PLEKHH2: variants seen among roughly 807,000 people sequenced by gnomAD.
PLEKHH2 encodes pleckstrin homology domain-containing family H member 2.
In PLEKHH2, 129 loss-of-function variants were observed where a neutral mutation model predicts 187.9. The observed-to-expected ratio is 0.69, with a 90% confidence interval of 0.59 to 0.79. The LOEUF (loss-of-function observed/expected upper bound fraction) is 0.79. Among genes scored for constraint, PLEKHH2 ranks in the 30% least tolerant of loss-of-function variants. PLEKHH2 has a pLI of 0.00. For synonymous variants in PLEKHH2, 686 were observed against 605.6 expected, an observed-to-expected ratio of 1.13 and a Z score of -1.95; for missense variants, 2,076 against 1,751.2, an observed-to-expected ratio of 1.19 and a Z score of -3.31.
intron 2 of PLEKHH2, chr2:43,676,364 T>TGGGACCGGGTCCTGG: frequency 6.7e-7 from 1 of 1,502,290 alleles, no homozygotes; most frequent in South Asian, 1.3e-5. Context: ...AAAGGCAGCC[T>TGGGACCGGGTCCTGG]GGGACCGGGT....
At position 43,710,489 on chromosome 2, in the gene PLEKHH2, A is replaced by T; in HGVS notation, c.2215A>T (p.Ser739Cys). The T allele has an allele frequency of 6.3e-7, 1 of 1,594,584 alleles. No homozygotes were observed. Among genetic ancestry groups the T allele is most frequent in the Admixed American group, 1.9e-5 (1 of 53,940 alleles). Reference protein sequence around the residue: ...GGELLYYKSPSDVIRKPQGHI... With the variant: ...GGELLYYKSPCDVIRKPQGHI... The stretch of plus-strand genomic sequence containing the variant: ...CCATTTGTTTTTCTGTTTCATACAG[A>T]GTGATGTAATTAGAAAACCCCAGGG... The change falls in exon 14 of 30, where the codon AGT becomes TGT. Residue 739 changes from serine (S) to cysteine (C), a missense_variant and splice_region_variant. Ser to Cys is a moderately radical substitution (Grantham distance 112). Coordinates refer to ENST00000282406, the MANE Select transcript of PLEKHH2 (RefSeq NM_172069.4).
At chr2:43,707,037 A>T (rs111668629) in intron 10 of PLEKHH2, among the ~76,000 whole-genome samples, 1,845 of 152,120 alleles carry the variant, frequency 0.012, 54 homozygotes, top group African/African-American at 0.042. Flanking sequence ...CTCTACTAAA[A>T]ATATAAAAAT....
At chr2:43,682,216 A>G (rs551924776) in intron 3 of PLEKHH2, among the ~76,000 whole-genome samples, 2 of 152,368 alleles carry the variant, frequency 1.3e-5, no homozygotes, top group Admixed American at 1.3e-4. Flanking sequence ...TCTTCAGTAT[A>G]TCAAAGATCT....
intron 2 of PLEKHH2, among the ~76,000 whole-genome samples, chr2:43,660,188 C>T (rs983206479): frequency 1.3e-5 from 2 of 152,176 alleles, no homozygotes; most frequent in African/African-American, 4.8e-5. Context: ...CTTTTGAGTT[C>T]ACCAGTGTTG....
intron 3 of PLEKHH2, chr2:43,680,745 T>C: frequency 4.9e-6 from 2 of 409,186 alleles, no homozygotes; most frequent in South Asian, 2.2e-5. Context: ...CAGAAGGACC[T>C]CTATATGTGG....
intron 17 of PLEKHH2, among the ~76,000 whole-genome samples, chr2:43,727,167 A>C (rs1670792136): frequency 6.6e-6 from 1 of 152,212 alleles, no homozygotes; most frequent in East Asian, 1.9e-4. Context: ...TAATCCCAGC[A>C]CTTCGGGAGG....
Position 43,699,630 on chromosome 2 carries a change from G to A in PLEKHH2, c.689-17G>A, listed in dbSNP as rs748101005. 5 of 1,606,796 alleles carry A rather than the reference G, an allele frequency of 3.1e-6. No homozygotes were observed. The highest frequency in any genetic ancestry group is 1.1e-5 in the South Asian group (1 of 90,102). ...ATTCTTAAAGGCAGCATGCTGATAT[G>A]ATGTATCCTTTTCTAGAAATGGAAA... On this transcript the variant is annotated splice_polypyrimidine_tract_variant and intron_variant, in intron 7 of 29. Coordinates refer to ENST00000282406, the MANE Select transcript of PLEKHH2 (RefSeq NM_172069.4).
At chr2:43,747,340 CACA>C (rs1275108826) in intron 24 of PLEKHH2, among the ~76,000 whole-genome samples, 1 of 152,012 alleles carries the variant, frequency 6.6e-6, no homozygotes, top group African/African-American at 2.4e-5. Flanking sequence ...TGTGAGGGCA[CACA>C]ACAGTGAGCC....
intron 18 of PLEKHH2, among the ~76,000 whole-genome samples, chr2:43,730,630 C>T (rs1670992816): frequency 6.6e-6 from 1 of 152,132 alleles, no homozygotes; most frequent in Non-Finnish European, 1.5e-5. Flanking sequence ...AACTCCTGAG[C>T]TCAAGTAATC....
chr2:43,764,172 C>T, intron 28 of PLEKHH2, 56 bp from the exon 29 acceptor site: 1 of 1,051,642 alleles, frequency 9.5e-7, no homozygotes. Flanking sequence ...AATTATTTTC[C>T]ATCTCTCCTT....
At chr2:43,713,723 C>G (rs922439415) in intron 15 of PLEKHH2, among the ~76,000 whole-genome samples, 9 of 149,150 alleles carry the variant, frequency 6.0e-5, no homozygotes, top group African/African-American at 2.0e-4. Flanking sequence ...TTAAAAAGTC[C>G]TATTGGTCAC....
At chr2:43,724,675 T>A (rs1670651565) in intron 16 of PLEKHH2, among the ~76,000 whole-genome samples, 1 of 152,216 alleles carries the variant, frequency 6.6e-6, no homozygotes, top group African/African-American at 2.4e-5. Flanking sequence ...ATAGTTCGTT[T>A]TGCACTACCT....
At chr2:43,691,364 C>T (rs1395122241) in intron 3 of PLEKHH2, among the ~76,000 whole-genome samples, 1 of 152,004 alleles carries the variant, frequency 6.6e-6, no homozygotes, top group Non-Finnish European at 1.5e-5. Context: ...TTTATGGGCT[C>T]AGAATAGGGA....
chr2:43,722,429 C>T (rs1246165641), intron 16 of PLEKHH2, among the ~76,000 whole-genome samples: 1 of 152,084 alleles, frequency 6.6e-6, no homozygotes, highest in African/African-American at 2.4e-5. Context: ...GGACTGAAGG[C>T]AGCTGGTCCT....
chr2:43,765,385 C>G (rs761674830), intron 29 of PLEKHH2, 28 bp from the exon 30 acceptor site: 6 of 1,603,366 alleles, frequency 3.7e-6, no homozygotes, highest in Admixed American at 1.7e-5. Context: ...TTCTAAGGAG[C>G]AAAACAATTC....
At chr2:43,645,792 T>C (rs1220094475) in intron 2 of PLEKHH2, among the ~76,000 whole-genome samples, 4 of 152,130 alleles carry the variant, frequency 2.6e-5, no homozygotes, top group Non-Finnish European at 5.9e-5. Context: ...GAAAGCACTG[T>C]CTGGATGAAT....
chr2:43,765,735 C>T lies in PLEKHH2; in HGVS notation c.*137C>T. On this transcript the variant is annotated 3_prime_UTR_variant, in exon 30 of 30. Transcript: ENST00000282406. ...CCTTAACAATGAAGGGGGTTAGTCTCTTTTATTTGATTCTTAAATATTCAA... is the reference window on the plus strand; with the variant it reads ...CCTTAACAATGAAGGGGGTTAGTCTTTTTTATTTGATTCTTAAATATTCAA... 1 of 730,882 alleles carries T rather than the reference C, an allele frequency of 1.4e-6. No homozygotes were observed. The highest frequency in any genetic ancestry group is 2.1e-6 in the Non-Finnish European group (1 of 485,656). The allele number at this position is 730,882 out of a possible 1,614,324, so 45.3% of individuals were successfully genotyped here.
chr2:43,756,439 C>T (rs1672214116), intron 25 of PLEKHH2, among the ~76,000 whole-genome samples: 3 of 151,982 alleles, frequency 2.0e-5, no homozygotes, highest in African/African-American at 7.2e-5. Context: ...ATTACAGGTG[C>T]CTGCCACCAC....
At position 43,653,509 on chromosome 2, in the gene PLEKHH2, C is replaced by T. The variant is rs140309375; in HGVS notation, c.123+8713C>T. ...ACATTCAAGGTCCCATGTAACTTCT[C>T]TGAGGACTCTCCAGAAGGAGTGCTT... On this transcript the variant is annotated intron_variant, in intron 2 of 29. Transcript: ENST00000282406. Among the ~76,000 whole-genome samples, 676 of 152,330 alleles carry T rather than the reference C, an allele frequency of 4.4e-3. 4 individuals carry two copies. The highest frequency in any genetic ancestry group is 0.016 in the African/African-American group (646 of 41,564).
Sources: gnomAD v4.1 joint callset for allele counts (sites outside exome capture counted in the v4.1 genomes callset) on GRCh38, gnomAD v4.1.1 for gene constraint, MANE v1.5 for transcripts, NCBI Gene and HGNC (gene_info 2026-07-23, HGNC 2026-07-21) for gene names.